Variants in CTNND2 observed in about 807,000 individuals in gnomAD.
CTNND2 encodes catenin delta-2.
A neutral mutation model predicts 144.4 loss-of-function variants in CTNND2; 22 were observed. That is an observed-to-expected ratio of 0.15 (90% CI 0.11 to 0.22). CTNND2 has a LOEUF of 0.22. CTNND2 is among the 10% of genes least tolerant of loss of function. CTNND2 has a pLI of 1.00. For synonymous variants in CTNND2, 751 were observed against 695.6 expected, an observed-to-expected ratio of 1.08 and a Z score of -1.25; for missense variants, 1,353 against 1,618.8, an observed-to-expected ratio of 0.84 and a Z score of 2.82.
intron 2 of CTNND2, among the ~76,000 whole-genome samples, chr5:11,683,883 C>T (rs534758393): frequency 6.6e-6 from 1 of 152,278 alleles, no homozygotes; most frequent in South Asian, 2.1e-4. Flanking sequence ...GCCCATGTTT[C>T]ATTTCCTCAC....
chr5:11,516,445 T>C (rs1772173112), intron 3 of CTNND2, among the ~76,000 whole-genome samples: 1 of 152,124 alleles, frequency 6.6e-6, no homozygotes, highest in Non-Finnish European at 1.5e-5. Flanking sequence ...TAGAAACTGC[T>C]GAGAATTCAG....
intron 1 of CTNND2, among the ~76,000 whole-genome samples, chr5:11,777,066 G>A (rs992203564): frequency 1.3e-5 from 2 of 152,156 alleles, no homozygotes; most frequent in Admixed American, 6.5e-5. Flanking sequence ...TAACACACAT[G>A]ACACTTTCTA....
At chr5:11,222,623 T>C (rs32259) in intron 10 of CTNND2, among the ~76,000 whole-genome samples, 116 of 152,026 alleles carry the variant, frequency 7.6e-4, no homozygotes, top group Non-Finnish European at 1.1e-3. Context: ...CTGGGTAACA[T>C]AGGGAGACCC....
At chr5:11,253,527 A>T (rs561131521) in intron 9 of CTNND2, among the ~76,000 whole-genome samples, 1 of 152,160 alleles carries the variant, frequency 6.6e-6, no homozygotes, top group Non-Finnish European at 1.5e-5. Flanking sequence ...GCCTGCTGCC[A>T]TGTAAGACAT....
At chr5:11,678,429 C>A (rs1784274589) in intron 2 of CTNND2, among the ~76,000 whole-genome samples, 1 of 152,104 alleles carries the variant, frequency 6.6e-6, no homozygotes, top group African/African-American at 2.4e-5. Flanking sequence ...AACTCCCCAA[C>A]CAGCAATCCA....
intron 2 of CTNND2, among the ~76,000 whole-genome samples, chr5:11,608,360 G>T (rs367657609): frequency 1.1e-4 from 16 of 152,036 alleles, no homozygotes; most frequent in African/African-American, 3.6e-4. Flanking sequence ...ATCTCCACTG[G>T]GTATTTACTT....
chr5:11,646,328 A>C (rs972025050), intron 2 of CTNND2, among the ~76,000 whole-genome samples: 1 of 152,318 alleles, frequency 6.6e-6, no homozygotes, highest in South Asian at 2.1e-4. Context: ...AATGAGGCAA[A>C]AATGAGGCTT....
chr5:11,460,795 T>C (rs1766138496), intron 3 of CTNND2, among the ~76,000 whole-genome samples: 1 of 152,142 alleles, frequency 6.6e-6, no homozygotes, highest in Admixed American at 6.5e-5. Flanking sequence ...CTCATGCCTG[T>C]AATCTCAGCA....
At chr5:11,399,675 T>C (rs1405633634) in intron 5 of CTNND2, among the ~76,000 whole-genome samples, 1 of 152,214 alleles carries the variant, frequency 6.6e-6, no homozygotes, top group African/African-American at 2.4e-5. Context: ...AGTTGTGTAT[T>C]TGATCAGTAC....
At chr5:11,241,864 A>C (rs1742486704) in intron 9 of CTNND2, among the ~76,000 whole-genome samples, 2 of 152,128 alleles carry the variant, frequency 1.3e-5, no homozygotes, top group Admixed American at 6.5e-5. Flanking sequence ...TAAGACAAAA[A>C]AGTTCTGGAA....
intron 2 of CTNND2, among the ~76,000 whole-genome samples, chr5:11,669,786 T>C (rs1450047763): frequency 1.3e-5 from 2 of 152,190 alleles, no homozygotes; most frequent in East Asian, 3.9e-4. Context: ...TCTTGTCTTC[T>C]GCTAGCTTGT....
chr5:11,219,806 G>C (rs1318002152), intron 10 of CTNND2, among the ~76,000 whole-genome samples: 1 of 152,202 alleles, frequency 6.6e-6, no homozygotes, highest in Non-Finnish European at 1.5e-5. Flanking sequence ...TTTGGCCCAG[G>C]AAAAGAACTT....
chr5:11,042,537 G>T (rs1344179727), intron 16 of CTNND2, among the ~76,000 whole-genome samples: 1 of 152,232 alleles, frequency 6.6e-6, no homozygotes, highest in Non-Finnish European at 1.5e-5. Context: ...TTCTCAAACA[G>T]AGGAAGTTCA....
At chr5:11,390,721 G>A (rs1392566577) in intron 6 of CTNND2, among the ~76,000 whole-genome samples, 1 of 152,206 alleles carries the variant, frequency 6.6e-6, no homozygotes, top group African/African-American at 2.4e-5. Context: ...GTCAGGAATG[G>A]AGAACTGGAG....
chr5:11,062,958 T>C (rs951747908), intron 16 of CTNND2, among the ~76,000 whole-genome samples: 4 of 152,208 alleles, frequency 2.6e-5, no homozygotes, highest in Non-Finnish European at 5.9e-5. Flanking sequence ...ACAACCATGA[T>C]GATGGACAAT....
intron 3 of CTNND2, among the ~76,000 whole-genome samples, chr5:11,517,596 GAAC>G (rs1772289686): frequency 1.3e-5 from 2 of 150,268 alleles, no homozygotes; most frequent in Admixed American, 1.3e-4. Context: ...TATTTCTTAA[GAAC>G]ATCACACACC....
chr5:11,786,312 T>G (rs1290770631), intron 1 of CTNND2, among the ~76,000 whole-genome samples: 1 of 152,226 alleles, frequency 6.6e-6, no homozygotes, highest in Non-Finnish European at 1.5e-5. Context: ...ATTTGCATAT[T>G]TCCTGGAGAC....
chr5:11,625,778 A>C (rs148504989), intron 2 of CTNND2, among the ~76,000 whole-genome samples: 1 of 152,118 alleles, frequency 6.6e-6, no homozygotes, highest in African/African-American at 2.4e-5. Flanking sequence ...AGAGAACCCA[A>C]TTAAAAAGAT....
At chr5:11,686,865 A>G (rs925693222) in intron 2 of CTNND2, among the ~76,000 whole-genome samples, 1 of 148,436 alleles carries the variant, frequency 6.7e-6, no homozygotes, top group African/African-American at 2.4e-5. Context: ...ACATATATAC[A>G]TACTACATAT....
Sources: allele counts gnomAD v4.1 joint callset (sites outside exome capture counted in the v4.1 genomes callset), GRCh38; gene constraint gnomAD v4.1.1; transcripts MANE v1.5; gene names NCBI Gene and HGNC (gene_info 2026-07-23, HGNC 2026-07-21).